The following KIAA0586 variants were observed in gnomAD, a reference collection of about 807,000 sequenced individuals.
KIAA0586 encodes protein TALPID3.
KIAA0586 carries 144 observed loss-of-function variants against 169.8 expected under a neutral mutation model. The observed-to-expected ratio is 0.85, with a 90% CI of 0.74 to 0.97. KIAA0586 has a LOEUF of 0.97. KIAA0586 is among the 50% of genes least tolerant of loss of function. The pLI is 0.00. For missense variants in KIAA0586, 1,854 were observed against 1,823.0 expected, an observed-to-expected ratio of 1.02 and a Z score of -0.31; for synonymous variants, 625 against 612.4, an observed-to-expected ratio of 1.02 and a Z score of -0.30.
In KIAA0586 at chr14:58,499,377, C is replaced by T. The variant is rs557738799; in HGVS notation, c.4168+417C>T. Reference sequence around the variant, plus strand: ...ACCCCATTCTCCTGCCTCAGCCTCCCGAGCAGCTGGGACTACAGGAGCCCA... The same window carrying T: ...ACCCCATTCTCCTGCCTCAGCCTCCTGAGCAGCTGGGACTACAGGAGCCCA... On this transcript the variant is annotated intron_variant, in intron 27 of 30. Transcript: ENST00000652326. Among the ~76,000 whole-genome samples, 5 of 151,870 alleles carry T rather than the reference C, an allele frequency of 3.3e-5. 1 individual carries two copies. The South Asian group carries it at 6.2e-4, about 19-fold the overall frequency.
intron 13 of KIAA0586, 118 bp from the exon 14 acceptor site, chr14:58,460,867 TA>T (rs1347119205): frequency 3.3e-6 from 2 of 603,940 alleles, no homozygotes; most frequent in Non-Finnish European, 2.6e-6. Context: ...AAACAGAGGT[TA>T]TTTTTTACTT....
At chr14:58,538,339 C>T (rs1038977100) in intron 29 of KIAA0586, among the ~76,000 whole-genome samples, 3 of 152,116 alleles carry the variant, frequency 2.0e-5, no homozygotes, top group African/African-American at 4.8e-5. Flanking sequence ...ATGTATTGCC[C>T]AGCATAATGA....
downstream of KIAA0586, among the ~76,000 whole-genome samples, chr14:58,553,869 A>G (rs952147758): frequency 1.3e-5 from 2 of 152,190 alleles, no homozygotes; most frequent in South Asian, 4.1e-4. Flanking sequence ...GCTTAAAACA[A>G]TCATTTATTT....
intron 14 of KIAA0586, 46 bp from the exon 15 acceptor site, chr14:58,465,789 T>A (rs1219318435): frequency 8.3e-7 from 1 of 1,200,086 alleles, no homozygotes; most frequent in East Asian, 2.4e-5. Context: ...GGATAGTAGA[T>A]ATTCTAACAA....
chr14:58,449,407 T>C (rs570398884), intron 7 of KIAA0586, among the ~76,000 whole-genome samples: 175 of 152,300 alleles, frequency 1.1e-3, no homozygotes, highest in Non-Finnish European at 2.1e-3. Flanking sequence ...CACATGCCTA[T>C]AGTCCCAGTT....
intron 7 of KIAA0586, among the ~76,000 whole-genome samples, chr14:58,449,925 A>G (rs1015350242): frequency 6.6e-6 from 1 of 152,208 alleles, no homozygotes; most frequent in Non-Finnish European, 1.5e-5. Flanking sequence ...TAATTTTTCT[A>G]TGCTTTTTCT....
chr14:58,528,581 G>A (rs2045749967), intron 29 of KIAA0586, among the ~76,000 whole-genome samples: 1 of 152,172 alleles, frequency 6.6e-6, no homozygotes, highest in African/African-American at 2.4e-5. Context: ...CATGGAAACT[G>A]AACAACCTGC....
intron 16 of KIAA0586, among the ~76,000 whole-genome samples, chr14:58,469,018 C>G (rs969440175): frequency 1.1e-4 from 17 of 152,122 alleles, no homozygotes; most frequent in African/African-American, 3.9e-4. Flanking sequence ...CATGAACAGT[C>G]AACAGGCTCT....
chr14:58,521,349 A>G (rs2045211581), intron 29 of KIAA0586: 4 of 1,007,482 alleles, frequency 4.0e-6, no homozygotes, highest in Non-Finnish European at 6.2e-6. Flanking sequence ...GTATTGCAAA[A>G]TTGTGGGCTG....
intron 30 of KIAA0586, among the ~76,000 whole-genome samples, chr14:58,543,044 A>G (rs2046750102): frequency 6.6e-6 from 1 of 150,718 alleles, no homozygotes; most frequent in African/African-American, 2.4e-5. Context: ...AGGCAGGAGA[A>G]TGGCGTGAAC....
intron 27 of KIAA0586, among the ~76,000 whole-genome samples, chr14:58,499,633 A>G (rs1182893289): frequency 2.6e-5 from 4 of 151,754 alleles, no homozygotes; most frequent in African/African-American, 9.7e-5. Flanking sequence ...ATCTCGGCTC[A>G]CTGCAACCCC....
Position 58,477,198 on chromosome 14 carries a change from T to C in KIAA0586, c.2901T>C (p.Ser967=). ...PVQQQIAPSI[S]VSVSETSEPL... ...AGCAACAGATTGCACCTAGTATCAG[T>C]GTTTCAGTCAGTGAGACAAGTGAAC... is the stretch of plus-strand genomic sequence containing the variant. The change falls in exon 20 of 31, where the codon AGT becomes AGC. Residue 967 remains serine, a synonymous_variant. Transcript: ENST00000652326. The C allele has an allele frequency of 6.3e-7, 1 of 1,580,860 alleles. No individual in the cohort carries two copies. Among genetic ancestry groups the C allele is most frequent in the South Asian group, 1.2e-5 (1 of 86,380 alleles).
chr14:58,531,358 T>TA (rs202238658), intron 29 of KIAA0586, among the ~76,000 whole-genome samples: 2,026 of 145,920 alleles, frequency 0.014, 46 homozygotes, highest in African/African-American at 0.046. Flanking sequence ...AAATAAAAAA[T>TA]AAAAAAAAAT....
intron 26 of KIAA0586, 53 bp downstream of exon 26, chr14:58,492,328 A>G: frequency 1.4e-6 from 2 of 1,472,206 alleles, no homozygotes; most frequent in South Asian, 1.4e-5. Flanking sequence ...TACAGGAAAA[A>G]ATTAAAATAT....
At chr14:58,459,792 G>C (rs547518457) in intron 12 of KIAA0586, 51 bp from the exon 13 acceptor site, 1 of 996,420 alleles carries the variant, frequency 1.0e-6, no homozygotes, top group South Asian at 1.7e-5. Context: ...TGATGTGAAA[G>C]CATTACTATT....
At chr14:58,432,737 T>C (rs946515186) in intron 4 of KIAA0586, among the ~76,000 whole-genome samples, 16 of 152,196 alleles carry the variant, frequency 1.1e-4, no homozygotes, top group Non-Finnish European at 2.2e-4. Context: ...TTTATTTATT[T>C]AGAGATGGAG....
At position 58,461,025 on chromosome 14, in the gene KIAA0586, T is replaced by G; in HGVS notation, c.1924T>G (p.Tyr642Asp). The part of the protein sequence containing the change: ...KATTVIQDED[Y>D]MLQVYGKPVY... Reference sequence around the variant, plus strand: ...AACCACAGTAATACAAGATGAAGATTATATGTTACAAGTCTATGGAAAGCC... The same window carrying G: ...AACCACAGTAATACAAGATGAAGATGATATGTTACAAGTCTATGGAAAGCC... Residue 642 changes from tyrosine (Y) to aspartate (D), a missense_variant, in exon 14 of 31, where the codon TAT (tyrosine) becomes GAT (aspartate). Physicochemically the swap from Tyr to Asp is radical, Grantham distance 160. Transcript: ENST00000652326. 1 of 1,610,994 alleles carries G rather than the reference T, an allele frequency of 6.2e-7. No individual in the cohort carries two copies. The highest frequency in any genetic ancestry group is 1.3e-5 in the African/African-American group (1 of 74,772).
At chr14:58,496,625 G>C (rs1365013584) in intron 26 of KIAA0586, among the ~76,000 whole-genome samples, 1 of 152,146 alleles carries the variant, frequency 6.6e-6, no homozygotes. Flanking sequence ...GATGTACATA[G>C]GAGAATGAAG....
At chr14:58,434,195 A>G (rs368148235) in intron 4 of KIAA0586, among the ~76,000 whole-genome samples, 7 of 152,218 alleles carry the variant, frequency 4.6e-5, no homozygotes, top group African/African-American at 7.2e-5. Context: ...GAGAGAATGC[A>G]TGTTAGAAGT....
Sources: gnomAD v4.1 joint callset for allele counts (sites outside exome capture counted in the v4.1 genomes callset) on GRCh38, gnomAD v4.1.1 for gene constraint, MANE v1.5 for transcripts, NCBI Gene and HGNC (gene_info 2026-07-23, HGNC 2026-07-21) for gene names.